MAF: variants seen among roughly 807,000 people sequenced by gnomAD.
MAF encodes MAF bZIP transcription factor, also known as transcription factor Maf.
Under a neutral mutation model 22.0 loss-of-function variants are expected in MAF, and 10 were observed. That is an observed-to-expected ratio of 0.45 (90% CI 0.28 to 0.77). The LOEUF is 0.77. MAF is among the 30% of genes least tolerant of loss of function. The pLI is 0.12. For synonymous variants in MAF, 337 were observed against 255.8 expected, an observed-to-expected ratio of 1.32 and a Z score of -3.03; for missense variants, 544 against 548.4, an observed-to-expected ratio of 0.99 and a Z score of 0.08.
chr16:79,211,056 T>TGTGTGTGTGTGC, the MAF span, among the ~76,000 whole-genome samples: 6 of 150,314 alleles, frequency 4.0e-5, no homozygotes, highest in Non-Finnish European at 8.9e-5. Flanking sequence ...TGTGTGTGTG[T>TGTGTGTGTGTGC]GCATTAAATG....
At chr16:79,521,466 C>A in the MAF span, among the ~76,000 whole-genome samples, 10 of 152,218 alleles carry the variant, frequency 6.6e-5, no homozygotes, top group African/African-American at 2.4e-4. Context: ...ATCCTCAGGA[C>A]GCATTTCGTA....
the MAF span, among the ~76,000 whole-genome samples, chr16:79,261,210 T>C: frequency 6.6e-6 from 1 of 152,170 alleles, no homozygotes; most frequent in Non-Finnish European, 1.5e-5. Flanking sequence ...TGGAGTACAA[T>C]GGCATGATCT....
At chr16:79,227,207 C>A in the MAF span, among the ~76,000 whole-genome samples, 1 of 151,940 alleles carries the variant, frequency 6.6e-6, no homozygotes, top group Non-Finnish European at 1.5e-5. Flanking sequence ...AAAAATTATC[C>A]AGGCATGGCG....
the MAF span, among the ~76,000 whole-genome samples, chr16:79,493,340 C>T: frequency 6.6e-6 from 1 of 152,118 alleles, no homozygotes; most frequent in Non-Finnish European, 1.5e-5. Context: ...TGCCACCACG[C>T]CCAGCTAATT....
chr16:79,419,379 T>C, the MAF span, among the ~76,000 whole-genome samples: 1 of 152,158 alleles, frequency 6.6e-6, no homozygotes, highest in Admixed American at 6.5e-5. Flanking sequence ...GGACAGAGAT[T>C]GAGAAAACAG....
chr16:79,572,825 G>A, the MAF span, among the ~76,000 whole-genome samples: 2 of 152,154 alleles, frequency 1.3e-5, no homozygotes, highest in African/African-American at 2.4e-5. Flanking sequence ...TATCCAAAGT[G>A]CTGTATTGAA....
chr16:79,254,608 CCTG>C, the MAF span, among the ~76,000 whole-genome samples: 3 of 152,092 alleles, frequency 2.0e-5, no homozygotes, highest in African/African-American at 7.2e-5. Flanking sequence ...ATTGTCAGAG[CCTG>C]TGTTACATGA....
chr16:79,246,826 G>GTCCATCCA, the MAF span, among the ~76,000 whole-genome samples: 21 of 151,922 alleles, frequency 1.4e-4, no homozygotes, highest in South Asian at 4.2e-4. Context: ...GTGTCCATCT[G>GTCCATCCA]TCCATCCATC....
downstream of MAF, among the ~76,000 whole-genome samples, chr16:79,581,280 T>A (rs953182701): frequency 6.6e-6 from 1 of 152,206 alleles, no homozygotes; most frequent in African/African-American, 2.4e-5. Flanking sequence ...TTCCTGTTCA[T>A]CAGGAATGAA....
chr16:79,401,148 C>T, the MAF span, among the ~76,000 whole-genome samples: 1 of 152,194 alleles, frequency 6.6e-6, no homozygotes, highest in African/African-American at 2.4e-5. Flanking sequence ...GGCGCTGGGT[C>T]CTCACTCCTG....
chr16:79,541,708 A>C, the MAF span, among the ~76,000 whole-genome samples: 1 of 131,276 alleles, frequency 7.6e-6, no homozygotes, highest in African/African-American at 3.0e-5. Context: ...TCTGCTGCCC[A>C]GGCTGGAGTG....
chr16:79,525,861 C>T, the MAF span, among the ~76,000 whole-genome samples: 1 of 152,118 alleles, frequency 6.6e-6, no homozygotes, highest in Non-Finnish European at 1.5e-5. Flanking sequence ...AAGAAAGAGG[C>T]AAGAATTCGC....
the MAF span, among the ~76,000 whole-genome samples, chr16:79,537,773 T>A: frequency 1.3e-5 from 2 of 152,170 alleles, no homozygotes; most frequent in East Asian, 3.8e-4. Context: ...GCTGTTATCT[T>A]TTTTACTCAC....
chr16:79,481,344 G>A, the MAF span, among the ~76,000 whole-genome samples: 1 of 151,564 alleles, frequency 6.6e-6, no homozygotes, highest in Admixed American at 6.6e-5. Flanking sequence ...AGAGTTGTGC[G>A]ACCATCACCC....
chr16:79,258,387 G>T, the MAF span, among the ~76,000 whole-genome samples: 1 of 152,220 alleles, frequency 6.6e-6, no homozygotes, highest in Non-Finnish European at 1.5e-5. Context: ...CCCCAGACAG[G>T]AGTCTCTAAG....
At chr16:79,514,420 A>G in the MAF span, among the ~76,000 whole-genome samples, 1 of 152,250 alleles carries the variant, frequency 6.6e-6, no homozygotes. Context: ...ATATGGAAAT[A>G]TTCACAGAAT....
At chr16:79,328,718 C>T in the MAF span, among the ~76,000 whole-genome samples, 1 of 152,140 alleles carries the variant, frequency 6.6e-6, no homozygotes, top group Non-Finnish European at 1.5e-5. Flanking sequence ...ACCCAGGTAG[C>T]AGGGAGGGTT....
At chr16:79,272,396 G>T in the MAF span, among the ~76,000 whole-genome samples, 1 of 152,200 alleles carries the variant, frequency 6.6e-6, no homozygotes, top group South Asian at 2.1e-4. Flanking sequence ...GGGGCGGGTC[G>T]CCTGCTCCTG....
chr16:79,382,966 T>C, the MAF span, among the ~76,000 whole-genome samples: 1 of 152,230 alleles, frequency 6.6e-6, no homozygotes, highest in Non-Finnish European at 1.5e-5. Flanking sequence ...CATTCATTCA[T>C]TCACTCATTC....
Sources: allele counts gnomAD v4.1 joint callset (sites outside exome capture counted in the v4.1 genomes callset), GRCh38; gene constraint gnomAD v4.1.1; transcripts MANE v1.5; gene names NCBI Gene and HGNC (gene_info 2026-07-23, HGNC 2026-07-21).